Variants in CEP41 observed in about 807,000 individuals in gnomAD.
CEP41 encodes centrosomal protein 41.
CEP41 carries 32 observed loss-of-function variants against 44.3 expected under a neutral mutation model. The observed-to-expected ratio is 0.72, with a 90% confidence interval of 0.54 to 0.97. The LOEUF is 0.97. Ranked by LOEUF, CEP41 falls within the 50% of genes least tolerant of loss-of-function variation. The pLI is 0.00. For synonymous variants in CEP41, 151 were observed against 168.5 expected, an observed-to-expected ratio of 0.90 and a Z score of 0.80; for missense variants, 432 against 455.2, an observed-to-expected ratio of 0.95 and a Z score of 0.46.
At position 130,400,855 on chromosome 7, in the gene CEP41, T is replaced by C. The variant is rs782233337; in HGVS notation, c.643-34A>G. 2.2e-6 allele frequency: 3 copies of C among 1,356,144 alleles called. No homozygotes were observed. The Admixed American group carries it at 5.4e-5, about 24-fold the overall frequency. 84.0% of individuals were successfully genotyped at this position (1,356,144 alleles called of 1,614,324 possible). A position where few individuals can be genotyped will look rare whatever the true frequency, so the allele number is the denominator to read the frequency against. On this transcript the variant is annotated intron_variant, in intron 8 of 10. Coordinates refer to ENST00000223208, the MANE Select transcript of CEP41 (RefSeq NM_018718.3). ...CAGATGAGTTAAGGTTCCAAGGCACTGGGCTGATGTCCCAAGACTACGAGA... is the reference window on the plus strand; with the variant it reads ...CAGATGAGTTAAGGTTCCAAGGCACCGGGCTGATGTCCCAAGACTACGAGA...
At chr7:130,412,875 A>C (rs1217220902) in intron 3 of CEP41, among the ~76,000 whole-genome samples, 1 of 152,242 alleles carries the variant, frequency 6.6e-6, no homozygotes, top group Non-Finnish European at 1.5e-5. Flanking sequence ...TTAGTTTCGC[A>C]AGATGAAAAA....
At chr7:130,430,226 A>T (rs1221006346) in intron 1 of CEP41, among the ~76,000 whole-genome samples, 2 of 152,246 alleles carry the variant, frequency 1.3e-5, no homozygotes, top group East Asian at 1.9e-4. Flanking sequence ...GGACATAAAA[A>T]ACAAAACCAA....
rs1554413700 is a variant in CEP41 at position 130,394,417 on chromosome 7, G to A, written c.*4474C>T. The A allele has an allele frequency of 4.4e-6, 2 of 453,886 alleles. No individual in the cohort carries two copies. Among genetic ancestry groups the A allele is most frequent in the Non-Finnish European group, 8.8e-6 (2 of 226,784 alleles). 28.1% of individuals were successfully genotyped at this position (453,886 alleles called of 1,614,324 possible). Reference sequence around the variant, plus strand: ...GCAAAGTAAGCTCTCCACAAACATTGGCTAGTATTATTATTTTCTGGAAAT... The same window carrying A: ...GCAAAGTAAGCTCTCCACAAACATTAGCTAGTATTATTATTTTCTGGAAAT... On this transcript the variant is annotated 3_prime_UTR_variant, in exon 11 of 11. Coordinates refer to ENST00000223208, the MANE Select transcript of CEP41 (RefSeq NM_018718.3).
rs782268771 is a variant in CEP41, at chr7:130,404,620, A to G, written c.366T>C (p.Pro122=). 6.2e-7 allele frequency: 1 copy of G among 1,613,854 alleles called. No homozygotes were observed. The highest frequency in any genetic ancestry group is 8.5e-7 in the Non-Finnish European group (1 of 1,179,738). Residue 122 remains proline (P), a synonymous_variant, in exon 6 of 11, where the codon CCT becomes CCC. Transcript: ENST00000223208. ...CTCCTGCGTTGTTTATGAACTGCTC[A>G]GGGCTCGGCGACTGCTCACCTGGAT... ...KGNPGEQSPS[P]EQFINNAGAG...
intron 2 of CEP41, among the ~76,000 whole-genome samples, chr7:130,418,545 A>G (rs782705552): frequency 2.0e-5 from 3 of 152,138 alleles, no homozygotes; most frequent in Non-Finnish European, 2.9e-5. Flanking sequence ...TGAGTCACCC[A>G]CAGTTGCATG....
chr7:130,435,785 C>G (rs1554426020), intron 1 of CEP41, among the ~76,000 whole-genome samples: 1 of 152,108 alleles, frequency 6.6e-6, no homozygotes, highest in African/African-American at 2.4e-5. Context: ...AGAGTTATAC[C>G]CAAATGTCAT....
chr7:130,412,344 C>T (rs1293542152), intron 3 of CEP41, 104 bp from the exon 4 acceptor site: 8 of 695,718 alleles, frequency 1.1e-5, no homozygotes, highest in Non-Finnish European at 2.1e-5. Flanking sequence ...TATGCTTTTA[C>T]ATCTATTATC....
Position 130,397,084 on chromosome 7 carries a change from T to C in CEP41, c.*1807A>G, listed in dbSNP as rs1554414993. Reference sequence around the variant, plus strand: ...CAAAAATGGCTGAAAATCTTGTCCATGCTAGGGGAAAGCTGAGTGTGGAAA... The same window carrying C: ...CAAAAATGGCTGAAAATCTTGTCCACGCTAGGGGAAAGCTGAGTGTGGAAA... On this transcript the variant is annotated 3_prime_UTR_variant, in exon 11 of 11. Transcript: ENST00000223208. The C allele has an allele frequency of 2.2e-6, 1 of 454,500 alleles. No homozygotes were observed. Among genetic ancestry groups the C allele is most frequent in the East Asian group, 6.9e-5 (1 of 14,404 alleles). 28.2% of individuals were successfully genotyped at this position (454,500 alleles called of 1,614,324 possible). A position where few individuals can be genotyped will look rare whatever the true frequency, so the allele number is the denominator to read the frequency against.
chr7:130,400,374 A>C, intron 9 of CEP41, 120 bp from the exon 10 acceptor site: 1 of 753,658 alleles, frequency 1.3e-6, no homozygotes, highest in Non-Finnish European at 2.4e-6. Flanking sequence ...ACACAAGGAC[A>C]TGAAATCTTT....
intron 2 of CEP41, chr7:130,421,231 A>C (rs1427446913): frequency 1.0e-6 from 1 of 985,174 alleles, no homozygotes; most frequent in African/African-American, 1.7e-5. Flanking sequence ...ATTTATACTG[A>C]GCCAATAAGA....
chr7:130,429,471 T>C (rs546585460), intron 1 of CEP41, among the ~76,000 whole-genome samples: 59 of 152,342 alleles, frequency 3.9e-4, no homozygotes, highest in Middle Eastern at 3.4e-3. Context: ...CATTATGAAA[T>C]AGCACTTTTT....
chr7:130,429,534 G>A (rs1422357677), intron 1 of CEP41, among the ~76,000 whole-genome samples: 1 of 152,208 alleles, frequency 6.6e-6, no homozygotes, highest in African/African-American at 2.4e-5. Flanking sequence ...TCAATAACAG[G>A]TAGCTGTGGA....
intron 4 of CEP41, 161 bp downstream of exon 4, chr7:130,412,018 A>AAC: frequency 1.5e-6 from 1 of 677,616 alleles, no homozygotes; most frequent in Middle Eastern, 2.7e-4. Context: ...TCTTCATGTG[A>AAC]ACACACACAC....
chr7:130,425,539 A>G (rs544352430), intron 2 of CEP41, among the ~76,000 whole-genome samples: 1 of 152,372 alleles, frequency 6.6e-6, no homozygotes, highest in East Asian at 1.9e-4. Flanking sequence ...TGAATCATTC[A>G]TCCATTGCTG....
intron 1 of CEP41, among the ~76,000 whole-genome samples, chr7:130,437,769 AAAAAAAAAAAAAAAAAAAAGAAAAAG>A (rs1798013156): frequency 9.0e-6 from 1 of 111,652 alleles, no homozygotes; most frequent in South Asian, 3.3e-4. Flanking sequence ...TGTCTCAAAA[AAAAAAAAAAAAAAAAAAAAGAAAAAG>A]AAAAAAAAAG....
Position 130,419,709 on chromosome 7 carries a change from G to A in CEP41, c.98-2743C>T, listed in dbSNP as rs559358381. ...ACTAAAGCTGAAACTCCTTGCTCTAGCACTGGACACCAACTCACTACCTCT... is the reference window on the plus strand; with the variant it reads ...ACTAAAGCTGAAACTCCTTGCTCTAACACTGGACACCAACTCACTACCTCT... On this transcript the variant is annotated intron_variant, in intron 2 of 10. Coordinates refer to ENST00000223208, the MANE Select transcript of CEP41 (RefSeq NM_018718.3). 36 of 985,044 alleles carry A rather than the reference G, an allele frequency of 3.7e-5. No homozygotes were observed. In the African/African-American group the frequency reaches 6.1e-4, roughly 17 times the overall value. 61.0% of individuals were successfully genotyped at this position (985,044 alleles called of 1,614,324 possible).
At chr7:130,410,184 C>T (rs765403599) in intron 5 of CEP41, among the ~76,000 whole-genome samples, 2 of 151,970 alleles carry the variant, frequency 1.3e-5, no homozygotes, top group Non-Finnish European at 2.9e-5. Flanking sequence ...CACCACCGTG[C>T]CTGGCTAATT....
chr7:130,431,965 G>T (rs949314195), intron 1 of CEP41, among the ~76,000 whole-genome samples: 4 of 152,144 alleles, frequency 2.6e-5, no homozygotes, highest in Non-Finnish European at 5.9e-5. Context: ...TGGGTGGTAG[G>T]AGGTGCTACT....
chr7:130,440,301 A>C (rs1294918984), intron 1 of CEP41, among the ~76,000 whole-genome samples: 1 of 152,152 alleles, frequency 6.6e-6, no homozygotes. Context: ...TTACAGGCTG[A>C]GCCACCGCGC....
Sources: gnomAD v4.1 joint callset for allele counts (sites outside exome capture counted in the v4.1 genomes callset) on GRCh38, gnomAD v4.1.1 for gene constraint, MANE v1.5 for transcripts, NCBI Gene and HGNC (gene_info 2026-07-23, HGNC 2026-07-21) for gene names.